The following PLEKHA1 variants were observed in gnomAD, a reference collection of about 807,000 sequenced individuals.
The protein encoded by PLEKHA1 is pleckstrin homology domain containing A1.
A neutral mutation model predicts 52.0 loss-of-function variants in PLEKHA1; 34 were observed. The observed-to-expected ratio is 0.65, with a 90% CI of 0.50 to 0.87. PLEKHA1 has a LOEUF of 0.87. Among genes scored for constraint, PLEKHA1 ranks in the 40% least tolerant of loss-of-function variants. The pLI is 0.00. For missense variants in PLEKHA1, 497 were observed against 504.2 expected, an observed-to-expected ratio of 0.99 and a Z score of 0.14; for synonymous variants, 163 against 170.7, an observed-to-expected ratio of 0.95 and a Z score of 0.35.
At chr10:122,433,080 CT>C (rs1440721773), downstream of PLEKHA1, 2 of 152,138 alleles carry the variant, frequency 1.3e-5, no homozygotes, top group African/African-American at 4.8e-5. Context: ...GATCCTGCTG[CT>C]TTTCCCTGGC....
At chr10:122,410,421 T>A (rs1012843621) in intron 5 of PLEKHA1, among the ~76,000 whole-genome samples, 1 of 152,198 alleles carries the variant, frequency 6.6e-6, no homozygotes, top group Non-Finnish European at 1.5e-5. Flanking sequence ...GAGATCACTT[T>A]TCTGATTTTC....
chr10:122,437,410 T>G, the PLEKHA1 span: 1 of 152,170 alleles, frequency 6.6e-6, no homozygotes, highest in Admixed American at 6.5e-5. Context: ...GGTTGACATG[T>G]CAGACATCCA....
intron 1 of PLEKHA1, chr10:122,386,558 C>G (rs2096701938): frequency 6.6e-6 from 1 of 152,012 alleles, no homozygotes; most frequent in Non-Finnish European, 1.5e-5. Context: ...TATTTGTCTA[C>G]CCCTAAGGTC....
chr10:122,377,973 G>A (rs1256739550), intron 1 of PLEKHA1, among the ~76,000 whole-genome samples: 3 of 152,116 alleles, frequency 2.0e-5, no homozygotes, highest in Non-Finnish European at 4.4e-5. Context: ...GCAAAATATT[G>A]TTTCCTACAT....
intron 1 of PLEKHA1, 190 bp downstream of exon 1, chr10:122,374,996 CCGCGCCA>C (rs920147143): frequency 6.6e-6 from 1 of 151,962 alleles, no homozygotes; most frequent in African/African-American, 2.4e-5. Context: ...CTGCGCACGT[CCGCGCCA>C]CGCGCCACAG....
chr10:122,427,391 C>T (rs1281851066), intron 11 of PLEKHA1, among the ~76,000 whole-genome samples: 4 of 152,156 alleles, frequency 2.6e-5, no homozygotes, highest in Admixed American at 6.5e-5. Context: ...TTAGTTGTAG[C>T]GTTACACAGT....
intron 1 of PLEKHA1, among the ~76,000 whole-genome samples, chr10:122,386,067 C>G (rs887597109): frequency 6.6e-6 from 1 of 152,160 alleles, no homozygotes. Context: ...AAACTGTTTT[C>G]CAAAGTTGCT....
intron 6 of PLEKHA1, 47 bp from the exon 7 acceptor site, chr10:122,415,811 TA>T: frequency 6.6e-7 from 1 of 1,524,272 alleles, no homozygotes; most frequent in Non-Finnish European, 8.9e-7. Flanking sequence ...GAAATAAAAG[TA>T]TGCTAAACAA....
intron 5 of PLEKHA1, 113 bp downstream of exon 5, chr10:122,406,786 T>A: frequency 1.3e-6 from 1 of 784,438 alleles, no homozygotes; most frequent in Non-Finnish European, 2.1e-6. Flanking sequence ...TACTCAAGCT[T>A]TGTTTAAAAG....
intron 4 of PLEKHA1, among the ~76,000 whole-genome samples, chr10:122,402,573 C>T (rs978279393): frequency 1.3e-5 from 2 of 152,068 alleles, no homozygotes; most frequent in Non-Finnish European, 2.9e-5. Flanking sequence ...GTGTTCTGCC[C>T]CCACCCCAAC....
chr10:122,429,411 C>G (rs184903680), intron 11 of PLEKHA1, among the ~76,000 whole-genome samples: 1 of 152,106 alleles, frequency 6.6e-6, no homozygotes, highest in Admixed American at 6.5e-5. Flanking sequence ...TTTTGGCTAT[C>G]ATTGCTTTAA....
At chr10:122,400,278 G>A in intron 3 of PLEKHA1, 65 bp from the exon 4 acceptor site, 1 of 1,290,588 alleles carries the variant, frequency 7.7e-7, no homozygotes, top group Non-Finnish European at 1.1e-6. Flanking sequence ...AGTTTACATA[G>A]TATATAAGGT....
At chr10:122,412,892 A>G (rs1217341645) in intron 5 of PLEKHA1, 28 bp from the exon 6 acceptor site, 24 of 1,610,838 alleles carry the variant, frequency 1.5e-5, no homozygotes, top group Non-Finnish European at 2.0e-5. Context: ...GCTGGTTGCA[A>G]AATGATTCAT....
At position 122,393,419 on chromosome 10, in the gene PLEKHA1, A is replaced by AT; in HGVS notation, c.141+78_141+79insT. 8.3e-7 allele frequency: 1 copy of AT among 1,210,798 alleles called. No individual in the cohort carries two copies. The highest frequency in any genetic ancestry group is 1.1e-6 in the Non-Finnish European group (1 of 951,428). The allele number at this position is 1,210,798 out of a possible 1,614,324, so 75.0% of individuals were successfully genotyped here. On this transcript the variant is annotated intron_variant, in intron 2 of 11. Coordinates refer to ENST00000368990, the MANE Select transcript of PLEKHA1 (RefSeq NM_001001974.4). This position sits in a 1 kb window ranked among gnomAD's most constrained non-coding sequence, Gnocchi z 4.5. ...GTATTTAACATACTATACAGGCTTT[A>AT]GATTTGTCTTCTTAAGCAGTATATT...
intron 1 of PLEKHA1, among the ~76,000 whole-genome samples, chr10:122,378,758 GA>G (rs2096573481): frequency 6.8e-6 from 1 of 147,762 alleles, no homozygotes; most frequent in Admixed American, 6.7e-5. Context: ...AAAAAAAACA[GA>G]AAAACAAAAA....
chr10:122,393,173 T>C lies in PLEKHA1; in HGVS notation c.-20-8T>C. ...AGGGAGCTTACTGTTAATATTTTTA[T>C]TTTACAGTGTAATGTTCAAGCTCAG... On this transcript the variant is annotated splice_polypyrimidine_tract_variant and splice_region_variant and intron_variant, in intron 1 of 11. Coordinates refer to ENST00000368990, the MANE Select transcript of PLEKHA1 (RefSeq NM_001001974.4). This position sits in a 1 kb window ranked among gnomAD's most constrained non-coding sequence, Gnocchi z 4.5. 1 of 1,575,462 alleles carries C rather than the reference T, an allele frequency of 6.3e-7. No individual in the cohort carries two copies. Among genetic ancestry groups the C allele is most frequent in the Non-Finnish European group, 8.6e-7 (1 of 1,161,934 alleles).
intron 4 of PLEKHA1, among the ~76,000 whole-genome samples, chr10:122,405,802 A>G (rs1025978997): frequency 3.3e-5 from 5 of 152,168 alleles, no homozygotes; most frequent in Non-Finnish European, 5.9e-5. Flanking sequence ...TTAGTATCCA[A>G]GGGGACTCTG....
At chr10:122,408,103 A>C (rs2097050090) in intron 5 of PLEKHA1, among the ~76,000 whole-genome samples, 1 of 152,242 alleles carries the variant, frequency 6.6e-6, no homozygotes, top group South Asian at 2.1e-4. Context: ...TATTCTTAAA[A>C]GCTTTTAGCT....
At chr10:122,435,887 CAAAAA>C (rs144739113), downstream of PLEKHA1, 4 of 120,252 alleles carry the variant, frequency 3.3e-5, no homozygotes, top group South Asian at 2.6e-4. Flanking sequence ...GACACCATCT[CAAAAA>C]AAAAAAAAGA....
Sources: allele counts gnomAD v4.1 joint callset (sites outside exome capture counted in the v4.1 genomes callset), GRCh38; gene constraint gnomAD v4.1.1; non-coding constraint Gnocchi (gnomAD v3.1); transcripts MANE v1.5; gene names NCBI Gene and HGNC (gene_info 2026-07-23, HGNC 2026-07-21).